TMEM196: variants seen among roughly 807,000 people sequenced by gnomAD.
The protein encoded by TMEM196 is transmembrane protein 196.
Under a neutral mutation model 20.0 loss-of-function variants are expected in TMEM196, and 17 were observed. The ratio of observed to expected loss-of-function variants is 0.85; its 90% CI spans 0.58 to 1.27. The LOEUF (loss-of-function observed/expected upper bound fraction) is 1.27. Ranked by LOEUF, TMEM196 falls within the 50% of genes most tolerant of loss-of-function variation. TMEM196 has a pLI of 0.00. For missense variants in TMEM196, 267 were observed against 223.0 expected (o/e 1.20, Z -1.26); for synonymous variants, 113 against 88.9 (o/e 1.27, Z -1.52).
At chr7:19,734,994 A>C (rs1473951840) in intron 1 of TMEM196, among the ~76,000 whole-genome samples, 1 of 152,218 alleles carries the variant, frequency 6.6e-6, no homozygotes, top group Non-Finnish European at 1.5e-5. Flanking sequence ...TTATTGAAAA[A>C]ATTAATATCT....
In TMEM196 at chr7:19,719,317, G is replaced by T. The variant is rs1783741020; in HGVS notation, c.*2811C>A. ...GAAAAGAAAGCCAACACCATATATA[G>T]TTTCAAAGCACATCATTTTATTATA... On this transcript the variant is annotated 3_prime_UTR_variant, in exon 5 of 5. Coordinates refer to ENST00000405844, the MANE Select transcript of TMEM196 (RefSeq NM_001363562.2). The T allele has an allele frequency of 6.6e-6, 1 of 151,142 alleles. No homozygotes were observed. The highest frequency in any genetic ancestry group is 2.1e-4 in the South Asian group (1 of 4,790). 9.4% of individuals were successfully genotyped at this position (151,142 alleles called of 1,614,324 possible).
chr7:19,723,982 T>G (rs1012326147), intron 4 of TMEM196, among the ~76,000 whole-genome samples: 1 of 151,644 alleles, frequency 6.6e-6, no homozygotes, highest in Non-Finnish European at 1.5e-5. Flanking sequence ...TTATACTGAG[T>G]CAGAACCATG....
At chr7:19,752,422 T>C (rs190788693) in intron 1 of TMEM196, among the ~76,000 whole-genome samples, 60 of 152,140 alleles carry the variant, frequency 3.9e-4, no homozygotes, top group Non-Finnish European at 3.5e-4. Context: ...ATATCCACAG[T>C]GAAATTTAGC....
At chr7:19,723,534 C>T (rs1353717847) in intron 4 of TMEM196, among the ~76,000 whole-genome samples, 2 of 152,036 alleles carry the variant, frequency 1.3e-5, no homozygotes, top group Non-Finnish European at 2.9e-5. Context: ...ACAGTAAAAT[C>T]ACTGATAGGA....
chr7:19,764,250 G>C (rs987098505), intron 1 of TMEM196, among the ~76,000 whole-genome samples: 1 of 152,204 alleles, frequency 6.6e-6, no homozygotes, highest in African/African-American at 2.4e-5. Flanking sequence ...AAATTGAGCA[G>C]CATTGCCTGG....
intron 2 of TMEM196, among the ~76,000 whole-genome samples, chr7:19,727,462 C>A (rs766888314): frequency 6.6e-6 from 1 of 152,030 alleles, no homozygotes; most frequent in African/African-American, 2.4e-5. Context: ...CAATAATGAA[C>A]GGGTAAAATC....
intron 1 of TMEM196, among the ~76,000 whole-genome samples, chr7:19,743,728 G>T (rs7803764): frequency 6.6e-6 from 1 of 151,886 alleles, no homozygotes; most frequent in Non-Finnish European, 1.5e-5. Flanking sequence ...AGTTTGTTAA[G>T]TTCAAACTGG....
In TMEM196 at chr7:19,760,479, G is replaced by T. The variant is rs532009916; in HGVS notation, c.147+12071C>A. 1.4e-5 allele frequency among the ~76,000 whole-genome samples: 2 copies of T among 143,476 alleles called. 1 individual carries two copies. The highest frequency in any genetic ancestry group is 5.2e-5 in the African/African-American group (2 of 38,578). 94.1% of individuals were successfully genotyped at this position (143,476 alleles called of 152,430 possible). On this transcript the variant is annotated intron_variant, in intron 1 of 4. Transcript: ENST00000405844. ...GGGTTCAAGCGATTTTTCTTCCTCAGTCTCCCAAGTAGCCGGGATTACAGA... is the reference window on the plus strand; with the variant it reads ...GGGTTCAAGCGATTTTTCTTCCTCATTCTCCCAAGTAGCCGGGATTACAGA...
At chr7:19,741,243 A>G (rs1448410816) in intron 1 of TMEM196, among the ~76,000 whole-genome samples, 3 of 152,166 alleles carry the variant, frequency 2.0e-5, no homozygotes, top group Admixed American at 6.5e-5. Flanking sequence ...AATTACTGGC[A>G]TTGTTAGAGT....
intron 1 of TMEM196, among the ~76,000 whole-genome samples, chr7:19,734,080 A>C (rs892768385): frequency 6.6e-6 from 1 of 152,082 alleles, no homozygotes; most frequent in Non-Finnish European, 1.5e-5. Context: ...CACATCAAAA[A>C]AAATTTCCAG....
chr7:19,728,613 A>G (rs903124127), intron 2 of TMEM196, among the ~76,000 whole-genome samples: 2 of 152,188 alleles, frequency 1.3e-5, no homozygotes, highest in Admixed American at 6.5e-5. Context: ...TTTAGGCTCA[A>G]AGGGTACTTC....
chr7:19,736,404 T>C (rs1266073895), intron 1 of TMEM196, among the ~76,000 whole-genome samples: 1 of 117,850 alleles, frequency 8.5e-6, no homozygotes, highest in Non-Finnish European at 1.8e-5. Flanking sequence ...TATATATAAA[T>C]TATCTCTGTA....
intron 1 of TMEM196, among the ~76,000 whole-genome samples, chr7:19,756,649 A>G (rs1444039920): frequency 6.7e-6 from 1 of 149,172 alleles, no homozygotes; most frequent in African/African-American, 2.5e-5. Context: ...GCTCTTATTA[A>G]AAGTTCTTAT....
chr7:19,752,167 C>T (rs1270583164), intron 1 of TMEM196, among the ~76,000 whole-genome samples: 2 of 152,192 alleles, frequency 1.3e-5, no homozygotes, highest in South Asian at 2.1e-4. Context: ...CTAGTTTTGG[C>T]TCAGCCTACA....
chr7:19,724,257 T>C (rs2128011897), intron 4 of TMEM196, 23 bp downstream of exon 4: 1 of 1,549,102 alleles, frequency 6.5e-7, no homozygotes, highest in Non-Finnish European at 8.7e-7. Context: ...TACAACATGG[T>C]AACTCCCTAG....
chr7:19,754,252 A>G (rs1785112860), intron 1 of TMEM196, among the ~76,000 whole-genome samples: 1 of 152,194 alleles, frequency 6.6e-6, no homozygotes, highest in Non-Finnish European at 1.5e-5. Context: ...GTCACTTGGA[A>G]GAATTCAAGT....
chr7:19,729,077 G>C (rs944223400), intron 2 of TMEM196, among the ~76,000 whole-genome samples: 1 of 152,130 alleles, frequency 6.6e-6, no homozygotes, highest in African/African-American at 2.4e-5. Context: ...TCAGGCGATT[G>C]TCTGGCAGTC....
intron 1 of TMEM196, among the ~76,000 whole-genome samples, chr7:19,755,852 A>C (rs535190001): frequency 3.4e-4 from 51 of 152,192 alleles, no homozygotes; most frequent in African/African-American, 1.1e-3. Context: ...CACATGGCAA[A>C]ACCCTGTCTC....
chr7:19,768,257 GT>G (rs1785714685), intron 1 of TMEM196, among the ~76,000 whole-genome samples: 1 of 151,910 alleles, frequency 6.6e-6, no homozygotes, highest in Non-Finnish European at 1.5e-5. Context: ...GCTTAGAAAA[GT>G]TTGTTTAATA....
Sources: gnomAD v4.1 joint callset for allele counts (sites outside exome capture counted in the v4.1 genomes callset) on GRCh38, gnomAD v4.1.1 for gene constraint, MANE v1.5 for transcripts, NCBI Gene and HGNC (gene_info 2026-07-23, HGNC 2026-07-21) for gene names.